The following ANO3 variants were observed in gnomAD, a reference collection of about 807,000 sequenced individuals.
ANO3 encodes the protein anoctamin 3.
ANO3 carries 99 observed loss-of-function variants against 144.8 expected under a neutral mutation model. The ratio of observed to expected loss-of-function variants is 0.68; its 90% confidence interval spans 0.58 to 0.81. The LOEUF is 0.81. ANO3 is among the 30% of genes least tolerant of loss of function. ANO3 has a pLI of 0.00. For synonymous variants in ANO3, 414 were observed against 392.6 expected (o/e 1.05, Z -0.64); for missense variants, 905 against 1,202.2 (o/e 0.75, Z 3.66).
chr11:26,660,710 A>G lies in ANO3; in HGVS notation c.*266A>G, dbSNP rs1028881288. The stretch of plus-strand genomic sequence containing the variant: ...CTCAGAACCAGTCTCAGGGAGATAT[A>G]TGCTTGGAGAACTCTGCCTTCCATC... On this transcript the variant is annotated 3_prime_UTR_variant, in exon 27 of 27. Transcript: ENST00000256737. 5 of 345,352 alleles carry G rather than the reference A, an allele frequency of 1.4e-5. No individual in the cohort carries two copies. Among genetic ancestry groups the G allele is most frequent in the African/African-American group, 1.1e-4 (5 of 46,580 alleles). 21.4% of individuals were successfully genotyped at this position (345,352 alleles called of 1,614,324 possible).
intron 20 of ANO3, among the ~76,000 whole-genome samples, chr11:26,638,616 A>T (rs1185797222): frequency 6.6e-6 from 1 of 152,180 alleles, no homozygotes; most frequent in African/African-American, 2.4e-5. Context: ...GCTAATTGTA[A>T]TCTACTAATA....
chr11:26,227,126 AATTTTC>A (rs1461866968), intron 1 of ANO3, among the ~76,000 whole-genome samples: 1 of 152,130 alleles, frequency 6.6e-6, no homozygotes, highest in African/African-American at 2.4e-5. Flanking sequence ...CATGTGTCAA[AATTTTC>A]ATTTTAAGAC....
intron 7 of ANO3, among the ~76,000 whole-genome samples, chr11:26,528,364 ACT>A (rs1849219460): frequency 6.6e-6 from 1 of 152,102 alleles, no homozygotes; most frequent in Non-Finnish European, 1.5e-5. Flanking sequence ...TCACTATTAG[ACT>A]CCATTTACCC....
rs143807598 is a variant in ANO3 at position 26,191,411 on chromosome 11, C to T, written c.154+2081C>T. Among the ~76,000 whole-genome samples the T allele has an allele frequency of 3.4e-3, 518 of 152,106 alleles. 3 individuals carry two copies. The highest frequency in any genetic ancestry group is 0.012 in the African/African-American group (492 of 41,470). ...GACTGGCTGAGGAACTGAAACACCG[C>T]TCTCTTCATTTCCCTCAATGCAGAC... On this transcript the variant is annotated intron_variant, in intron 1 of 27. Transcript: ENST00000672621.
At chr11:26,400,220 T>C (rs1177190913) in intron 1 of ANO3, among the ~76,000 whole-genome samples, 1 of 152,126 alleles carries the variant, frequency 6.6e-6, no homozygotes, top group Non-Finnish European at 1.5e-5. Flanking sequence ...GAAAGGTTTC[T>C]GATTATTATG....
chr11:26,568,782 G>C, intron 14 of ANO3, among the ~76,000 whole-genome samples: 1 of 151,926 alleles, frequency 6.6e-6, no homozygotes, highest in East Asian at 1.9e-4. Flanking sequence ...ATATAATTCA[G>C]TTTAGTTTAA....
intron 12 of ANO3, among the ~76,000 whole-genome samples, chr11:26,549,636 G>T (rs570882456): frequency 1.3e-5 from 2 of 151,888 alleles, no homozygotes; most frequent in African/African-American, 4.8e-5. Flanking sequence ...ATAACAATCA[G>T]GTTTTAGATG....
chr11:26,228,767 G>A (rs1852315290), intron 1 of ANO3, among the ~76,000 whole-genome samples: 1 of 152,158 alleles, frequency 6.6e-6, no homozygotes, highest in Admixed American at 6.5e-5. Flanking sequence ...GCATGCTCTT[G>A]GATGAAGTAC....
At chr11:26,542,451 G>A (rs941074623) in intron 11 of ANO3, among the ~76,000 whole-genome samples, 1 of 152,052 alleles carries the variant, frequency 6.6e-6, no homozygotes, top group Non-Finnish European at 1.5e-5. Flanking sequence ...GAGGGAAAAT[G>A]GTCCTGGCTT....
In ANO3 at chr11:26,197,755, T is replaced by C. The variant is rs541189027; in HGVS notation, c.154+8425T>C. Reference sequence around the variant, plus strand: ...CTAAGTCATACTACCTCTTTATTCTTGTCAGCCTTCCCCTACCGCTTCTTT... The same window carrying C: ...CTAAGTCATACTACCTCTTTATTCTCGTCAGCCTTCCCCTACCGCTTCTTT... On this transcript the variant is annotated intron_variant, in intron 1 of 27. Coordinates refer to the ANO3 transcript ENST00000672621. Among the ~76,000 whole-genome samples the C allele has an allele frequency of 5.2e-4, 79 of 152,276 alleles. 1 individual carries two copies. In the South Asian group the frequency reaches 0.016, roughly 31 times the overall value.
chr11:26,191,358 A>ACT (rs1851474225), intron 1 of ANO3, among the ~76,000 whole-genome samples: 1 of 151,956 alleles, frequency 6.6e-6, no homozygotes, highest in Admixed American at 6.6e-5. Flanking sequence ...ACACACACAC[A>ACT]CACATATATA....
At chr11:26,457,083 G>A (rs908497603) in intron 3 of ANO3, among the ~76,000 whole-genome samples, 5 of 118,940 alleles carry the variant, frequency 4.2e-5, no homozygotes, top group Non-Finnish European at 8.5e-5. Context: ...TGTGGGGTGG[G>A]GGGAGGGGGG....
chr11:26,297,222 T>C (rs1281199336), intron 1 of ANO3, among the ~76,000 whole-genome samples: 5 of 150,200 alleles, frequency 3.3e-5, no homozygotes, highest in Admixed American at 6.6e-5. Flanking sequence ...AATTTCTTTT[T>C]ACCCTCCAGT....
upstream of ANO3, among the ~76,000 whole-genome samples, chr11:26,306,678 A>C (rs1287507617): frequency 2.6e-5 from 4 of 152,050 alleles, no homozygotes; most frequent in Admixed American, 6.6e-5. Flanking sequence ...AAAAAAGAAA[A>C]CATATTTTTT....
At chr11:26,288,572 T>A (rs552069200) in intron 1 of ANO3, among the ~76,000 whole-genome samples, 1 of 152,290 alleles carries the variant, frequency 6.6e-6, no homozygotes, top group East Asian at 1.9e-4. Context: ...CTGGGGTTAA[T>A]AAATAGGTAT....
At chr11:26,403,588 A>C (rs189505790) in intron 1 of ANO3, among the ~76,000 whole-genome samples, 1 of 151,894 alleles carries the variant, frequency 6.6e-6, no homozygotes, top group Non-Finnish European at 1.5e-5. Flanking sequence ...TACTTCCTCT[A>C]GACTGTTTTC....
At chr11:26,206,710 A>G (rs1237065738) in intron 1 of ANO3, among the ~76,000 whole-genome samples, 1 of 152,212 alleles carries the variant, frequency 6.6e-6, no homozygotes, top group African/African-American at 2.4e-5. Context: ...TTTAGGGAAT[A>G]TTACTGAAGT....
At position 26,190,341 on chromosome 11, in the gene ANO3, A is replaced by C. The variant is rs1851451435; in HGVS notation, c.154+1011A>C. Among the ~76,000 whole-genome samples, 2 of 152,160 alleles carry C rather than the reference A, an allele frequency of 1.3e-5. 1 individual carries two copies. Among genetic ancestry groups the C allele is most frequent in the Admixed American group, 1.3e-4 (2 of 15,266 alleles). Reference sequence around the variant, plus strand: ...TTATGTATTATATGAGTTGTTTTACAGTATAAGAGTTCTTATACTGTAAAC... The same window carrying C: ...TTATGTATTATATGAGTTGTTTTACCGTATAAGAGTTCTTATACTGTAAAC... On this transcript the variant is annotated intron_variant, in intron 1 of 27. Coordinates refer to the ANO3 transcript ENST00000672621.
chr11:26,635,542 A>G (rs1411559788), intron 20 of ANO3, among the ~76,000 whole-genome samples: 4 of 152,144 alleles, frequency 2.6e-5, no homozygotes, highest in Non-Finnish European at 5.9e-5. Flanking sequence ...TTGTTGGGTT[A>G]CAGGATAAGC....
Sources: gnomAD v4.1 joint callset for allele counts (sites outside exome capture counted in the v4.1 genomes callset) on GRCh38, gnomAD v4.1.1 for gene constraint, MANE v1.5 for transcripts, NCBI Gene and HGNC (gene_info 2026-07-23, HGNC 2026-07-21) for gene names.